Variants in PIEZO2 observed in about 807,000 individuals in gnomAD.
PIEZO2 encodes piezo-type mechanosensitive ion channel component 2.
Under a neutral mutation model 337.3 loss-of-function variants are expected in PIEZO2, and 172 were observed. The ratio of observed to expected loss-of-function variants is 0.51; its 90% CI spans 0.45 to 0.58. PIEZO2 has a LOEUF of 0.58. PIEZO2 is among the 20% of genes least tolerant of loss of function. PIEZO2 has a pLI of 0.00. For missense variants in PIEZO2, 3,028 were observed against 3,391.3 expected (o/e 0.89, Z 2.66); for synonymous variants, 1,251 against 1,228.5 (o/e 1.02, Z -0.38).
intron 2 of PIEZO2, among the ~76,000 whole-genome samples, chr18:10,985,980 G>A (rs1300136453): frequency 3.3e-5 from 5 of 151,878 alleles, no homozygotes; most frequent in African/African-American, 1.2e-4. Context: ...CTGCCTACAA[G>A]GAACACACTT....
At chr18:10,913,410 G>A (rs1271484465) in intron 3 of PIEZO2, among the ~76,000 whole-genome samples, 5 of 152,232 alleles carry the variant, frequency 3.3e-5, no homozygotes, top group Middle Eastern at 3.4e-3. Flanking sequence ...AGGATTGGAC[G>A]GTGAGGAGGT....
Position 10,794,802 on chromosome 18 carries a change from T to G in PIEZO2, c.1728A>C (p.Glu576Asp). ...AAGCAAGTTCTCCTGGCTCTTTCTTTTCTAAAAATCCTGGAACTTTTTTAA... is the reference window on the plus strand; with the variant it reads ...AAGCAAGTTCTCCTGGCTCTTTCTTGTCTAAAAATCCTGGAACTTTTTTAA... ...PEIKKVPGFL[E>D]KKEPGELASK... Residue 576 changes from glutamate (E) to aspartate (D), a missense_variant, in exon 13 of 56, where the codon GAA (glutamate) becomes GAC (aspartate). By Grantham distance (45) the Glu-to-Asp change is conservative. Transcript: ENST00000674853. The surrounding 1 kb of genome is among the most constrained non-coding windows in gnomAD (Gnocchi z 6.6). 1 of 1,535,068 alleles carries G rather than the reference T, an allele frequency of 6.5e-7. No homozygotes were observed. Among genetic ancestry groups the G allele is most frequent in the Non-Finnish European group, 8.7e-7 (1 of 1,145,974 alleles).
chr18:11,019,523 T>C (rs1011001002), intron 2 of PIEZO2, among the ~76,000 whole-genome samples: 1 of 152,182 alleles, frequency 6.6e-6, no homozygotes, highest in Non-Finnish European at 1.5e-5. Context: ...TTTCCCCCTT[T>C]ATGTTTGCAC....
rs915115056 is a variant in PIEZO2, at chr18:10,878,882, G to A, written c.330-7467C>T. On this transcript the variant is annotated intron_variant, in intron 4 of 55. Transcript: ENST00000674853. This position sits in a 1 kb window ranked among gnomAD's most constrained non-coding sequence, Gnocchi z 4.3. ...TGAAGGCCACAGGAGAAACAGTGACGTGGCTGCTGGTAGTGCAGGTGGTGT... is the reference window on the plus strand; with the variant it reads ...TGAAGGCCACAGGAGAAACAGTGACATGGCTGCTGGTAGTGCAGGTGGTGT... 2.6e-5 allele frequency among the ~76,000 whole-genome samples: 4 copies of A among 152,172 alleles called. No individual in the cohort carries two copies. Among genetic ancestry groups the A allele is most frequent in the African/African-American group, 9.7e-5 (4 of 41,430 alleles).
intron 2 of PIEZO2, among the ~76,000 whole-genome samples, chr18:10,999,997 T>C (rs943326324): frequency 3.3e-5 from 5 of 152,198 alleles, no homozygotes; most frequent in African/African-American, 1.2e-4. Context: ...GCCATTTCAC[T>C]GGTATCAAAC....
chr18:11,066,118 T>C lies in PIEZO2; in HGVS notation c.160+9A>G. On this transcript the variant is annotated intron_variant, in intron 2 of 55. Coordinates refer to ENST00000674853, the MANE Select transcript of PIEZO2 (RefSeq NM_001378183.1). ...AACTCTGTGGTATACGATAACAAAA[T>C]TCTCTTACCTTGCATCGTCGTTTTT... 6.6e-7 allele frequency: 1 copy of C among 1,522,718 alleles called. No homozygotes were observed. The highest frequency in any genetic ancestry group is 8.8e-7 in the Non-Finnish European group (1 of 1,133,700). 94.3% of individuals were successfully genotyped at this position (1,522,718 alleles called of 1,614,324 possible). A position where few individuals can be genotyped will look rare whatever the true frequency, so the allele number is the denominator to read the frequency against.
chr18:10,953,141 T>C lies in PIEZO2; in HGVS notation c.286+26394A>G, dbSNP rs1568234185. Reference sequence around the variant, plus strand: ...GTTCTTCATAAATACTGGATACAAGTCCTTAATCAGATATATAGTTTGTAA... The same window carrying C: ...GTTCTTCATAAATACTGGATACAAGCCCTTAATCAGATATATAGTTTGTAA... On this transcript the variant is annotated intron_variant, in intron 3 of 55. Coordinates refer to ENST00000674853, the MANE Select transcript of PIEZO2 (RefSeq NM_001378183.1). The surrounding 1 kb of genome is among the most constrained non-coding windows in gnomAD (Gnocchi z 5.2). 6.6e-6 allele frequency among the ~76,000 whole-genome samples: 1 copy of C among 152,192 alleles called. No individual in the cohort carries two copies. The highest frequency in any genetic ancestry group is 1.5e-5 in the Non-Finnish European group (1 of 68,022).
At position 11,003,850 on chromosome 18, in the gene PIEZO2, A is replaced by G. The variant is rs555865137; in HGVS notation, c.161-24190T>C. Among the ~76,000 whole-genome samples the G allele has an allele frequency of 1.1e-4, 16 of 152,344 alleles. No individual in the cohort carries two copies. In the South Asian group the frequency reaches 2.5e-3, roughly 24 times the overall value. ...GGAAACAAAGTGATTTTTTCCCCTC[A>G]TTGACATTGGAACAAAACAATATTC... On this transcript the variant is annotated intron_variant, in intron 2 of 55. Transcript: ENST00000674853. This position sits in a 1 kb window ranked among gnomAD's most constrained non-coding sequence, Gnocchi z 4.6.
chr18:10,823,339 C>A (rs903203577), intron 7 of PIEZO2, among the ~76,000 whole-genome samples: 4 of 152,128 alleles, frequency 2.6e-5, no homozygotes, highest in Admixed American at 1.3e-4. Flanking sequence ...CTAACAAAAA[C>A]AACCTGCCGC....
chr18:11,040,404 G>A (rs1263718616), intron 2 of PIEZO2, among the ~76,000 whole-genome samples: 2 of 152,152 alleles, frequency 1.3e-5, no homozygotes, highest in African/African-American at 4.8e-5. Flanking sequence ...AGGAGGTAAT[G>A]ACTAAATTGA....
Position 10,689,802 on chromosome 18 carries a change from C to T in PIEZO2, c.7350G>A (p.Gly2450=), listed in dbSNP as rs763188095. Residue 2450 remains glycine, a splice_region_variant and synonymous_variant, in exon 49 of 56, where the codon GGG becomes GGA. Transcript: ENST00000674853. ...YNYVNLFLFQ[G]FRLVPFLTEL... Reference sequence around the variant, plus strand: ...CAGTCAAAAAGGGCACGAGGCGAAACCTGGCAGGAAACACATCTCGTCAGA... The same window carrying T: ...CAGTCAAAAAGGGCACGAGGCGAAATCTGGCAGGAAACACATCTCGTCAGA... The T allele has an allele frequency of 7.5e-6, 12 of 1,605,430 alleles. No homozygotes were observed. The Admixed American group carries it at 1.9e-4, about 25-fold the overall frequency.
rs918129484 is a variant in PIEZO2, at chr18:11,060,339, T to A, written c.160+5788A>T. On this transcript the variant is annotated intron_variant, in intron 2 of 55. Transcript: ENST00000674853. ...TAAAATTGACACCCTAACATCACAA[T>A]TAAAAGAACTAGAGAAGCAAGAGCA... is the stretch of plus-strand genomic sequence containing the variant. Among the ~76,000 whole-genome samples the A allele has an allele frequency of 1.1e-3, 168 of 152,034 alleles. 1 individual carries two copies. Among genetic ancestry groups the A allele is most frequent in the Non-Finnish European group, 1.5e-3 (100 of 67,972 alleles).
At chr18:10,849,159 T>C (rs1185821207) in intron 7 of PIEZO2, among the ~76,000 whole-genome samples, 3 of 151,904 alleles carry the variant, frequency 2.0e-5, no homozygotes, top group Non-Finnish European at 4.4e-5. Flanking sequence ...TCTACAGGTG[T>C]GTGGCACCAC....
chr18:10,698,020 G>T, intron 44 of PIEZO2, 140 bp from the exon 45 acceptor site: 5 of 81,010 alleles, frequency 6.2e-5, no homozygotes, highest in Non-Finnish European at 8.2e-5. Context: ...CACGGCCTTG[G>T]GATTTGTCCT....
chr18:11,063,310 T>C (rs546862547), intron 2 of PIEZO2, among the ~76,000 whole-genome samples: 1 of 149,726 alleles, frequency 6.7e-6, no homozygotes, highest in East Asian at 2.1e-4. Flanking sequence ...AGGGATAGCA[T>C]TAGGAGATAT....
chr18:10,761,711 A>G (rs979804137), intron 23 of PIEZO2, among the ~76,000 whole-genome samples: 3 of 152,184 alleles, frequency 2.0e-5, no homozygotes, highest in African/African-American at 7.2e-5. Flanking sequence ...CATAACAGCT[A>G]TTTATGGTGG....
chr18:10,701,811 C>CTTAACCT (rs1299869610), intron 43 of PIEZO2, 178 bp downstream of exon 43: 1 of 476,418 alleles, frequency 2.1e-6, no homozygotes, highest in African/African-American at 2.0e-5. Flanking sequence ...GCTAAATGAA[C>CTTAACCT]TTAACCTTTT....
chr18:10,794,682 C>A lies in PIEZO2; in HGVS notation c.1758+90G>T. 1.9e-6 allele frequency: 2 copies of A among 1,045,326 alleles called. No individual in the cohort carries two copies. Among genetic ancestry groups the A allele is most frequent in the Non-Finnish European group, 1.3e-6 (1 of 743,322 alleles). 64.8% of individuals were successfully genotyped at this position (1,045,326 alleles called of 1,614,324 possible). ...TTACAAAGCAGTGAATATTTGGAAC[C>A]TGTTTTTATAAGGTTTCTCTTGGAT... On this transcript the variant is annotated intron_variant, in intron 13 of 55. Transcript: ENST00000674853. This position sits in a 1 kb window ranked among gnomAD's most constrained non-coding sequence, Gnocchi z 6.6.
rs1038369743 is a variant in PIEZO2 at position 10,670,398 on chromosome 18, T to C, written c.*1129A>G. Reference sequence around the variant, plus strand: ...CTACATTTCAATCATAAATTTTTCATGCTACATTGTTATTTAATGAAGAGG... The same window carrying C: ...CTACATTTCAATCATAAATTTTTCACGCTACATTGTTATTTAATGAAGAGG... On this transcript the variant is annotated 3_prime_UTR_variant, in exon 56 of 56. Coordinates refer to ENST00000674853, the MANE Select transcript of PIEZO2 (RefSeq NM_001378183.1). The C allele has an allele frequency of 1.3e-5, 2 of 152,212 alleles. 1 individual carries two copies. Among genetic ancestry groups the C allele is most frequent in the South Asian group, 4.1e-4 (2 of 4,832 alleles). 9.4% of individuals were successfully genotyped at this position (152,212 alleles called of 1,614,324 possible). A position where few individuals can be genotyped will look rare whatever the true frequency, so the allele number is the denominator to read the frequency against.
Sources: allele counts gnomAD v4.1 joint callset (sites outside exome capture counted in the v4.1 genomes callset), GRCh38; gene constraint gnomAD v4.1.1; non-coding constraint Gnocchi (gnomAD v3.1); transcripts MANE v1.5; gene names NCBI Gene and HGNC (gene_info 2026-07-23, HGNC 2026-07-21).